The following EPG5 variants were observed in gnomAD, a reference collection of about 807,000 sequenced individuals.
EPG5 encodes the protein ectopic P granules protein 5 homolog.
A neutral mutation model predicts 302.7 loss-of-function variants in EPG5; 159 were observed. That is an observed-to-expected ratio of 0.53 (90% CI 0.46 to 0.60). EPG5 has a LOEUF of 0.60. EPG5 is among the 20% of genes least tolerant of loss of function. EPG5 has a pLI of 0.00. For synonymous variants in EPG5, 1,158 were observed against 1,136.8 expected, an observed-to-expected ratio of 1.02 and a Z score of -0.37; for missense variants, 2,896 against 3,092.4, an observed-to-expected ratio of 0.94 and a Z score of 1.51.
the EPG5 span, among the ~76,000 whole-genome samples, chr18:45,831,652 T>C: frequency 6.6e-6 from 1 of 152,030 alleles, no homozygotes; most frequent in South Asian, 2.1e-4. Context: ...AAATTCCAGG[T>C]GAGTTAAGGA....
chr18:45,937,865 C>CT (rs1391239642), intron 10 of EPG5, among the ~76,000 whole-genome samples: 1 of 152,122 alleles, frequency 6.6e-6, no homozygotes, highest in Non-Finnish European at 1.5e-5. Flanking sequence ...CTAAAATAAA[C>CT]TTAAGAACAA....
the EPG5 span, chr18:45,825,569 T>C: frequency 3.9e-5 from 26 of 670,202 alleles, no homozygotes; most frequent in African/African-American, 3.9e-4. Context: ...AGGCTTCCTG[T>C]CCCCAGTTCC....
chr18:45,905,744 G>A (rs2049734265), intron 24 of EPG5, among the ~76,000 whole-genome samples: 1 of 152,194 alleles, frequency 6.6e-6, no homozygotes, highest in Non-Finnish European at 1.5e-5. Context: ...GAAAAAGAGA[G>A]AGAAAGCAAG....
intron 40 of EPG5, 74 bp downstream of exon 40, chr18:45,860,030 T>C: frequency 2.6e-6 from 4 of 1,563,396 alleles, no homozygotes; most frequent in Non-Finnish European, 1.7e-6. Context: ...TCTGGAAACA[T>C]ATCTGCTGAT....
intron 1 of EPG5, among the ~76,000 whole-genome samples, chr18:45,963,995 G>A (rs1828197883): frequency 6.6e-6 from 1 of 152,096 alleles, no homozygotes; most frequent in African/African-American, 2.4e-5. Flanking sequence ...GATTTGGAGG[G>A]TGAGCAAAAG....
intron 1 of EPG5, among the ~76,000 whole-genome samples, chr18:45,965,072 A>T (rs185735799): frequency 6.6e-6 from 1 of 152,246 alleles, no homozygotes; most frequent in Non-Finnish European, 1.5e-5. Flanking sequence ...TTAAAAAGTC[A>T]TATCAAGAAA....
the EPG5 span, among the ~76,000 whole-genome samples, chr18:45,808,493 C>T: frequency 6.6e-6 from 1 of 152,226 alleles, no homozygotes; most frequent in Non-Finnish European, 1.5e-5. Context: ...ACTAGGTAAC[C>T]TATAAAGGAA....
chr18:45,880,885 A>G (rs908056989), intron 31 of EPG5, among the ~76,000 whole-genome samples: 40 of 152,200 alleles, frequency 2.6e-4, no homozygotes, highest in African/African-American at 9.4e-4. Context: ...GCCAGTTACA[A>G]TATGTCCAGT....
chr18:45,803,841 T>A, the EPG5 span, among the ~76,000 whole-genome samples: 24 of 152,170 alleles, frequency 1.6e-4, no homozygotes, highest in Non-Finnish European at 1.5e-5. Context: ...TTTGAAAGAA[T>A]ACAACTGAAT....
intron 3 of EPG5, among the ~76,000 whole-genome samples, chr18:45,951,526 T>C (rs770912249): frequency 6.6e-6 from 1 of 152,048 alleles, no homozygotes; most frequent in Non-Finnish European, 1.5e-5. Context: ...TGGCGCAATC[T>C]TGACTCACTG....
At chr18:45,948,635 T>A in intron 5 of EPG5, 59 bp from the exon 6 acceptor site, 1 of 1,397,824 alleles carries the variant, frequency 7.2e-7, no homozygotes, top group Non-Finnish European at 1.0e-6. Context: ...GTGTCCATAA[T>A]CTTGGTTCAC....
chr18:45,825,510 C>G, the EPG5 span: 3 of 572,618 alleles, frequency 5.2e-6, no homozygotes, highest in African/African-American at 5.6e-5. Flanking sequence ...TCTTGGTTTT[C>G]CACATGACTA....
At chr18:45,831,008 G>A in the EPG5 span, among the ~76,000 whole-genome samples, 2 of 152,170 alleles carry the variant, frequency 1.3e-5, no homozygotes, top group Non-Finnish European at 2.9e-5. Flanking sequence ...AACATCTAGA[G>A]TTATCAACTC....
the EPG5 span, chr18:45,841,974 T>C: frequency 1.2e-6 from 1 of 834,946 alleles, no homozygotes; most frequent in Admixed American, 2.0e-5. Flanking sequence ...CATTCATCTC[T>C]GAGCCCTGCC....
At chr18:45,949,393 T>C (rs2050854529) in intron 5 of EPG5, 91 bp downstream of exon 5, 2 of 684,586 alleles carry the variant, frequency 2.9e-6, no homozygotes, top group Non-Finnish European at 4.9e-6. Context: ...CTTTTTTAAA[T>C]AGTCCTTTTT....
chr18:45,939,585 A>AT lies in EPG5; in HGVS notation c.2099+14dup. On this transcript the variant is annotated intron_variant, in intron 10 of 43. Coordinates refer to ENST00000282041, the MANE Select transcript of EPG5 (RefSeq NM_020964.3). ...AAGTTACTTCTCACTAAATATCATC[A>AT]TATGTCTTACTTACCTTTTGGCCTT... 6.2e-7 allele frequency: 1 copy of AT among 1,613,328 alleles called. No individual in the cohort carries two copies. Among genetic ancestry groups the AT allele is most frequent in the Middle Eastern group, 1.7e-4 (1 of 6,002 alleles).
At chr18:45,838,962 G>T in the EPG5 span, 1 of 1,604,658 alleles carries the variant, frequency 6.2e-7, no homozygotes, top group Non-Finnish European at 8.5e-7. Flanking sequence ...GCCGCTCCGA[G>T]GCCAGCGTCT....
chr18:45,952,587 T>A lies in EPG5; in HGVS notation c.1065A>T (p.Glu355Asp), dbSNP rs770471589. 6.2e-7 allele frequency: 1 copy of A among 1,614,186 alleles called. No homozygotes were observed. The highest frequency in any genetic ancestry group is 2.2e-5 in the East Asian group (1 of 44,876). The stretch of plus-strand genomic sequence containing the variant: ...GCTCCACCAGTGCATTTTCATTCAT[T>A]TCTACTCTTTGGTAGCGATGATAGC... ...VFSYHRYQRV[E>D]MNENALVELK... is the part of the protein sequence containing the mutation. The change falls in exon 3 of 44, where the codon GAA becomes GAT. Residue 355 changes from glutamate (E) to aspartate (D), a missense_variant. This residue lies in a region of EPG5 where 1,390 missense variants were observed against 1,430.0 expected (regional missense o/e 0.97). Transcript: ENST00000282041.
At chr18:45,811,490 T>C in the EPG5 span, among the ~76,000 whole-genome samples, 4 of 152,274 alleles carry the variant, frequency 2.6e-5, no homozygotes, top group African/African-American at 9.6e-5. Context: ...CCAATATCCC[T>C]GATGAACATT....
Sources: gnomAD v4.1 joint callset for allele counts (sites outside exome capture counted in the v4.1 genomes callset) on GRCh38, gnomAD v4.1.1 for gene constraint, gnomAD v4.1.1 regional missense constraint, MANE v1.5 for transcripts, NCBI Gene and HGNC (gene_info 2026-07-23, HGNC 2026-07-21) for gene names.